PLPPR1: variants seen among roughly 807,000 people sequenced by gnomAD.
PLPPR1 encodes phospholipid phosphatase-related protein type 1.
Under a neutral mutation model 33.1 loss-of-function variants are expected in PLPPR1, and 10 were observed. The ratio of observed to expected loss-of-function variants is 0.30; its 90% CI spans 0.19 to 0.51. The LOEUF (loss-of-function observed/expected upper bound fraction) is 0.51, where lower values mean the gene tolerates loss of function less well. Among genes scored for constraint, PLPPR1 ranks in the 20% least tolerant of loss-of-function variants. The pLI is 0.97. For missense variants in PLPPR1, 304 were observed against 408.1 expected (o/e 0.74, Z 2.20); for synonymous variants, 151 against 151.0 (o/e 1.00, Z 0.00).
Position 101,225,980 on chromosome 9 carries a change from A to G in PLPPR1, c.63+40423A>G, listed in dbSNP as rs190932362. On this transcript the variant is annotated intron_variant, in intron 2 of 7. Transcript: ENST00000374874. ...TAAAGTCATTTTTCGTAGATCGTAC[A>G]GTAAGTAAGTGAGAAAACTGAGGTC... Among the ~76,000 whole-genome samples, 84 of 152,192 alleles carry G rather than the reference A, an allele frequency of 5.5e-4. No individual in the cohort carries two copies. The East Asian group carries it at 0.013, about 23-fold the overall frequency.
chr9:101,086,968 C>A (rs1385230159), intron 1 of PLPPR1, among the ~76,000 whole-genome samples: 1 of 152,122 alleles, frequency 6.6e-6, no homozygotes, highest in Non-Finnish European at 1.5e-5. Context: ...CACTTGAGGT[C>A]AGGAGTTTGA....
intron 1 of PLPPR1, among the ~76,000 whole-genome samples, chr9:101,143,959 T>A (rs1831489099): frequency 6.6e-6 from 1 of 152,180 alleles, no homozygotes; most frequent in Non-Finnish European, 1.5e-5. Flanking sequence ...TAAATCACGC[T>A]GCTATAAAGA....
chr9:101,295,537 CCTGA>C (rs1359691134), intron 4 of PLPPR1, among the ~76,000 whole-genome samples: 1 of 151,946 alleles, frequency 6.6e-6, no homozygotes, highest in Non-Finnish European at 1.5e-5. Context: ...CATCACACTA[CCTGA>C]CTTCAAACTA....
intron 4 of PLPPR1, among the ~76,000 whole-genome samples, chr9:101,303,544 G>T (rs941463179): frequency 6.6e-6 from 1 of 151,768 alleles, no homozygotes; most frequent in Non-Finnish European, 1.5e-5. Flanking sequence ...CAGGTGATCC[G>T]CCTGCCTCGG....
At chr9:101,277,815 TG>T (rs1302249496) in intron 3 of PLPPR1, among the ~76,000 whole-genome samples, 1 of 152,226 alleles carries the variant, frequency 6.6e-6, no homozygotes, top group Non-Finnish European at 1.5e-5. Flanking sequence ...CATTCTTGCC[TG>T]GGTAGACCAG....
rs1002528488 is a variant in PLPPR1, at chr9:101,234,550, T to TA, written c.64-35320dup. On this transcript the variant is annotated intron_variant, in intron 2 of 7. Transcript: ENST00000374874. ...TCTCCAATCTCCAAGTGTATTTTTTTAAAAAAAAAACAAACAAAAATTCTA... is the reference window on the plus strand; with the variant it reads ...TCTCCAATCTCCAAGTGTATTTTTTTAAAAAAAAAAACAAACAAAAATTCTA... Among the ~76,000 whole-genome samples the TA allele has an allele frequency of 7.6e-3, 1,126 of 148,360 alleles. 12 individuals carry two copies. The highest frequency in any genetic ancestry group is 0.025 in the African/African-American group (1,012 of 40,382).
In PLPPR1 at chr9:101,312,867, C is replaced by G. The variant is rs760990429; in HGVS notation, c.706C>G (p.Leu236Val). ...CAAGCCGGTGCTGTGCCTCGGAACT[C>G]TCTGCACAGCCTTCCTGACAGGCCT... ...LAKPVLCLGTLCTAFLTGLNR... is the reference protein window; with the variant it reads ...LAKPVLCLGTVCTAFLTGLNR... The change falls in exon 6 of 8, where the codon CTC becomes GTC. Residue 236 changes from leucine to valine, a missense_variant. By Grantham distance (32) the Leu-to-Val change is conservative. Coordinates refer to ENST00000374874, the MANE Select transcript of PLPPR1 (RefSeq NM_207299.2). The G allele has an allele frequency of 1.2e-6, 2 of 1,614,188 alleles. No individual in the cohort carries two copies. The highest frequency in any genetic ancestry group is 4.5e-5 in the East Asian group (2 of 44,864).
chr9:101,237,867 TAC>T (rs1206954266), intron 2 of PLPPR1, among the ~76,000 whole-genome samples: 1 of 136,068 alleles, frequency 7.3e-6, no homozygotes, highest in East Asian at 2.2e-4. Flanking sequence ...TATATATATA[TAC>T]ACACACATAT....
At chr9:101,221,813 A>T (rs572298138) in intron 2 of PLPPR1, among the ~76,000 whole-genome samples, 44 of 152,296 alleles carry the variant, frequency 2.9e-4, no homozygotes, top group Middle Eastern at 3.4e-3. Context: ...GAGAATATAC[A>T]TTTGCTAAGA....
chr9:101,129,024 T>A (rs955953348), intron 1 of PLPPR1, among the ~76,000 whole-genome samples: 1 of 152,182 alleles, frequency 6.6e-6, no homozygotes, highest in African/African-American at 2.4e-5. Context: ...ATCTCACAGA[T>A]CATAGATATA....
At chr9:101,032,437 A>C (rs762558283) in intron 1 of PLPPR1, among the ~76,000 whole-genome samples, 5 of 152,124 alleles carry the variant, frequency 3.3e-5, no homozygotes, top group African/African-American at 4.8e-5. Flanking sequence ...GACAAGTGAA[A>C]TAAAGCCTGC....
At chr9:101,120,550 G>C (rs66858224) in intron 1 of PLPPR1, among the ~76,000 whole-genome samples, 26,346 of 152,172 alleles carry the variant, frequency 0.17, 2,389 homozygotes, top group Non-Finnish European at 0.2. Context: ...TTAGCAACAG[G>C]TGCAGTTGAA....
intron 1 of PLPPR1, among the ~76,000 whole-genome samples, chr9:101,150,973 G>A (rs1293918066): frequency 6.6e-6 from 1 of 151,764 alleles, no homozygotes; most frequent in Non-Finnish European, 1.5e-5. Flanking sequence ...TACATGATTG[G>A]TCTGCTGTAG....
intron 1 of PLPPR1, among the ~76,000 whole-genome samples, chr9:101,124,092 A>C (rs972358906): frequency 6.6e-5 from 10 of 152,192 alleles, no homozygotes; most frequent in African/African-American, 2.4e-4. Context: ...TCTAGCATAA[A>C]AGGTGGCCTC....
chr9:101,143,001 A>AT (rs34266900), intron 1 of PLPPR1, among the ~76,000 whole-genome samples: 78 of 147,938 alleles, frequency 5.3e-4, no homozygotes, highest in Admixed American at 8.8e-4. Flanking sequence ...AAGTTCAGTG[A>AT]TTTTTTTTTT....
intron 1 of PLPPR1, among the ~76,000 whole-genome samples, chr9:101,113,402 AG>A (rs1225465925): frequency 1.3e-5 from 2 of 152,292 alleles, no homozygotes; most frequent in Non-Finnish European, 2.9e-5. Context: ...AAGTGATATG[AG>A]TAAGGGATAT....
intron 1 of PLPPR1, among the ~76,000 whole-genome samples, chr9:101,079,182 T>A (rs1243610799): frequency 6.6e-6 from 1 of 152,200 alleles, no homozygotes; most frequent in Non-Finnish European, 1.5e-5. Flanking sequence ...ATCATTCCCA[T>A]GGACTTCTGA....
intron 1 of PLPPR1, among the ~76,000 whole-genome samples, chr9:101,076,457 T>C (rs1284128113): frequency 6.6e-6 from 1 of 152,220 alleles, no homozygotes; most frequent in Non-Finnish European, 1.5e-5. Flanking sequence ...AGCAAATTCA[T>C]GCTGAGCTCT....
chr9:101,322,722 A>G (rs1045924335), intron 7 of PLPPR1, among the ~76,000 whole-genome samples: 18 of 152,236 alleles, frequency 1.2e-4, no homozygotes, highest in Non-Finnish European at 4.4e-5. Context: ...TGACATAATT[A>G]CAAGGAAAAT....
Sources: allele counts gnomAD v4.1 joint callset (sites outside exome capture counted in the v4.1 genomes callset), GRCh38; gene constraint gnomAD v4.1.1; transcripts MANE v1.5; gene names NCBI Gene and HGNC (gene_info 2026-07-23, HGNC 2026-07-21).